The following SNED1 variants were observed in gnomAD, a reference collection of about 807,000 sequenced individuals.
SNED1 encodes sushi, nidogen and EGF-like domain-containing protein 1.
SNED1 carries 81 observed loss-of-function variants against 166.7 expected under a neutral mutation model. The ratio of observed to expected loss-of-function variants is 0.49; its 90% confidence interval spans 0.41 to 0.58. SNED1 has a LOEUF of 0.58. Ranked by LOEUF, SNED1 falls within the 20% of genes least tolerant of loss-of-function variation. SNED1 has a pLI of 0.00. For synonymous variants in SNED1, 762 were observed against 822.0 expected (o/e 0.93, Z 1.25); for missense variants, 1,604 against 2,000.2 (o/e 0.80, Z 3.78).
Position 241,093,725 on chromosome 2 carries a change from T to G in SNED1, c.*2089T>G, listed in dbSNP as rs1398616810. The G allele has an allele frequency of 6.6e-6, 1 of 152,308 alleles. No homozygotes were observed. Among genetic ancestry groups the G allele is most frequent in the African/African-American group, 2.4e-5 (1 of 41,472 alleles). 9.4% of individuals were successfully genotyped at this position (152,308 alleles called of 1,614,324 possible). ...CACATTAAATATCAAGTAAAAAGAC[T>G]TCCTGGTGCTCAGGAATTACAGTTC... is the stretch of plus-strand genomic sequence containing the variant. On this transcript the variant is annotated 3_prime_UTR_variant, in exon 32 of 32. Coordinates refer to ENST00000310397, the MANE Select transcript of SNED1 (RefSeq NM_001080437.3).
chr2:241,023,358 A>G (rs546951845), intron 1 of SNED1, among the ~76,000 whole-genome samples: 23 of 152,028 alleles, frequency 1.5e-4, no homozygotes, highest in Middle Eastern at 3.4e-3. Context: ...TAGAATTTAT[A>G]TTTCTTAACC....
Position 241,066,427 on chromosome 2 carries a change from G to A in SNED1, c.3010+832G>A, listed in dbSNP as rs1042995838. Among the ~76,000 whole-genome samples the A allele has an allele frequency of 9.2e-5, 14 of 152,338 alleles. No individual in the cohort carries two copies. The East Asian group carries it at 1.9e-3, about 21-fold the overall frequency. On this transcript the variant is annotated intron_variant, in intron 21 of 31. Transcript: ENST00000310397. ...AGAGGGCTGGCCTTCCACGGAGCCCGGCCGCATCAGCTAGAGCACAGGGGA... is the reference window on the plus strand; with the variant it reads ...AGAGGGCTGGCCTTCCACGGAGCCCAGCCGCATCAGCTAGAGCACAGGGGA...
chr2:241,041,725 A>T (rs2061527121), intron 8 of SNED1, among the ~76,000 whole-genome samples: 1 of 152,120 alleles, frequency 6.6e-6, no homozygotes, highest in Admixed American at 6.5e-5. Context: ...GAAACAACAG[A>T]CTGACGGTGG....
chr2:241,028,275 G>A (rs1342457214), intron 1 of SNED1, among the ~76,000 whole-genome samples: 1 of 152,108 alleles, frequency 6.6e-6, no homozygotes, highest in Non-Finnish European at 1.5e-5. Flanking sequence ...TTTGATGCAG[G>A]AAAATTTTTA....
intron 1 of SNED1, among the ~76,000 whole-genome samples, chr2:241,003,186 T>TCTGACCTCAGCTGGGTTGCTC (rs1194070198): frequency 6.8e-6 from 1 of 147,262 alleles, no homozygotes; most frequent in Non-Finnish European, 1.5e-5. Flanking sequence ...GCTTGTTGGT[T>TCTGACCTCAGCTGGGTTGCTC]CTGACCTCAG....
At chr2:241,030,688 A>G in intron 2 of SNED1, 117 bp downstream of exon 2, 1 of 1,079,224 alleles carries the variant, frequency 9.3e-7, no homozygotes, top group South Asian at 1.6e-5. Flanking sequence ...TCCATACCCA[A>G]GAGGGGAACA....
Position 241,021,480 on chromosome 2 carries a change from A to C in SNED1, c.214-8804A>C, listed in dbSNP as rs772749293. Among the ~76,000 whole-genome samples the C allele has an allele frequency of 1.3e-5, 2 of 152,124 alleles. 1 individual carries two copies. The highest frequency in any genetic ancestry group is 4.1e-4 in the South Asian group (2 of 4,824). ...TCCACTGCAGCTCCAGACAGTCACA[A>C]TCTATGTTCTGTCTCCCCTGGATTT... On this transcript the variant is annotated intron_variant, in intron 1 of 31. Coordinates refer to ENST00000310397, the MANE Select transcript of SNED1 (RefSeq NM_001080437.3).
At position 241,072,347 on chromosome 2, in the gene SNED1, G is replaced by A. The variant is rs1348783815; in HGVS notation, c.3817+469G>A. On this transcript the variant is annotated intron_variant, in intron 26 of 31. Coordinates refer to ENST00000310397, the MANE Select transcript of SNED1 (RefSeq NM_001080437.3). ...AAGGCTGATGGGCCCAGGTGCCTTG[G>A]GCCCTTCCCACCGGGTTTACTGGGT... is the stretch of plus-strand genomic sequence containing the variant. 7 of 385,772 alleles carry A rather than the reference G, an allele frequency of 1.8e-5. No homozygotes were observed. In the East Asian group the frequency reaches 2.9e-4, roughly 16 times the overall value. 23.9% of individuals were successfully genotyped at this position (385,772 alleles called of 1,614,324 possible).
chr2:241,037,449 C>A (rs1483631361), intron 6 of SNED1, 96 bp downstream of exon 6: 1 of 828,462 alleles, frequency 1.2e-6, no homozygotes, highest in Non-Finnish European at 1.9e-6. Flanking sequence ...GGTCCAGCAG[C>A]TGTGCATGCT....
chr2:241,056,667 G>A (rs1013779545), intron 16 of SNED1, among the ~76,000 whole-genome samples: 10 of 136,086 alleles, frequency 7.3e-5, no homozygotes, highest in African/African-American at 2.8e-4. Flanking sequence ...TGCAATCTCC[G>A]CCTCCTGGGT....
In SNED1 at chr2:241,065,346, G is replaced by A. The variant is rs746349594; in HGVS notation, c.2761G>A (p.Gly921Arg). ...ALKMERVEES[G>R]VSISWNPPNG... Reference sequence around the variant, plus strand: ...CAAGATGGAGAGAGTGGAGGAGAGTGGGGTCTCTATCTCCTGGAACCCGCC... The same window carrying A: ...CAAGATGGAGAGAGTGGAGGAGAGTAGGGTCTCTATCTCCTGGAACCCGCC... The change falls in exon 21 of 32, where the codon GGG (glycine) becomes AGG (arginine). Residue 921 changes from glycine to arginine, a missense_variant. Gly to Arg is a moderately radical substitution (Grantham distance 125). Around this residue, in one of 2 missense-constraint regions of SNED1, gnomAD observed 1,237 missense variants for 1,620.8 expected, o/e 0.76. Coordinates refer to ENST00000310397, the MANE Select transcript of SNED1 (RefSeq NM_001080437.3). The A allele has an allele frequency of 1.2e-6, 2 of 1,612,870 alleles. No individual in the cohort carries two copies. Among genetic ancestry groups the A allele is most frequent in the Non-Finnish European group, 1.7e-6 (2 of 1,179,842 alleles).
chr2:241,011,156 T>TG (rs1322805702), intron 1 of SNED1, among the ~76,000 whole-genome samples: 2 of 147,196 alleles, frequency 1.4e-5, no homozygotes, highest in Non-Finnish European at 3.0e-5. Flanking sequence ...CTGGGTCTCC[T>TG]GGGGGTGGCA....
At chr2:241,089,938 A>G (rs1239595104) in intron 31 of SNED1, 2 of 1,537,948 alleles carry the variant, frequency 1.3e-6, no homozygotes, top group Admixed American at 4.2e-5. Flanking sequence ...AACGTAGAAA[A>G]CCTACAGTAA....
chr2:241,079,619 T>C (rs1485846381), intron 27 of SNED1, among the ~76,000 whole-genome samples: 2 of 152,122 alleles, frequency 1.3e-5, no homozygotes, highest in African/African-American at 4.8e-5. Flanking sequence ...TGTTTTACAG[T>C]TTTGACTTTA....
At chr2:241,043,374 A>G (rs1011970668) in intron 8 of SNED1, among the ~76,000 whole-genome samples, 16 of 152,236 alleles carry the variant, frequency 1.1e-4, no homozygotes, top group African/African-American at 3.9e-4. Flanking sequence ...GCACTGAAAG[A>G]AAAAACCATC....
At position 241,065,216 on chromosome 2, in the gene SNED1, C is replaced by T. The variant is rs138380686; in HGVS notation, c.2714-83C>T. On this transcript the variant is annotated intron_variant, in intron 20 of 31. Coordinates refer to ENST00000310397, the MANE Select transcript of SNED1 (RefSeq NM_001080437.3). ...CTGTGTCAGGCCCAAGAGCCAGACC[C>T]GGCTGAGCCGCCGACGGGAGCCAGG... 1.1e-3 allele frequency: 1,627 copies of T among 1,451,232 alleles called. 12 individuals are homozygous for T. In the African/African-American group the frequency reaches 0.018, roughly 16 times the overall value. 89.9% of individuals were successfully genotyped at this position (1,451,232 alleles called of 1,614,324 possible).
intron 4 of SNED1, 35 bp from the exon 5 acceptor site, chr2:241,036,746 CCGGAGGCAG>C: frequency 6.2e-7 from 1 of 1,600,044 alleles, no homozygotes; most frequent in South Asian, 1.1e-5. Flanking sequence ...CCTGCCGAGT[CCGGAGGCAG>C]CGGCTGAGGC....
At chr2:241,020,229 CA>C (rs1412209051) in intron 1 of SNED1, among the ~76,000 whole-genome samples, 1 of 152,248 alleles carries the variant, frequency 6.6e-6, no homozygotes, top group Non-Finnish European at 1.5e-5. Context: ...TTGCAACAAC[CA>C]AAATTCAGTA....
At chr2:241,025,805 C>T (rs1319108380) in intron 1 of SNED1, among the ~76,000 whole-genome samples, 1 of 151,888 alleles carries the variant, frequency 6.6e-6, no homozygotes, top group Non-Finnish European at 1.5e-5. Context: ...TGTTTTCTGG[C>T]TTTCATTGTT....
Sources: gnomAD v4.1 joint callset for allele counts (sites outside exome capture counted in the v4.1 genomes callset) on GRCh38, gnomAD v4.1.1 for gene constraint, gnomAD v4.1.1 regional missense constraint, MANE v1.5 for transcripts, NCBI Gene and HGNC (gene_info 2026-07-23, HGNC 2026-07-21) for gene names.